Variants in FRMPD2 observed in about 807,000 individuals in gnomAD.
The protein encoded by FRMPD2 is FERM and PDZ domain-containing protein 2.
In FRMPD2, 96 loss-of-function variants were observed where a neutral mutation model predicts 140.1. The observed-to-expected ratio is 0.69, with a 90% CI of 0.58 to 0.81. FRMPD2 has a LOEUF of 0.81. Among genes scored for constraint, FRMPD2 ranks in the 40% least tolerant of loss-of-function variants. The pLI is 0.00. For synonymous variants in FRMPD2, 449 were observed against 547.6 expected (o/e 0.82, Z 2.52); for missense variants, 1,240 against 1,447.4 (o/e 0.86, Z 2.32).
chr10:48,269,022 C>A (rs1011789218), intron 1 of FRMPD2, among the ~76,000 whole-genome samples: 2 of 151,638 alleles, frequency 1.3e-5, no homozygotes, highest in African/African-American at 2.4e-5. Context: ...TATATAATGG[C>A]AAAAGGGTTA....
intron 14 of FRMPD2, among the ~76,000 whole-genome samples, chr10:48,204,258 T>A (rs1410483057): frequency 6.6e-6 from 1 of 152,228 alleles, no homozygotes; most frequent in Non-Finnish European, 1.5e-5. Context: ...AGGGATATAC[T>A]CTATAATTGT....
intron 14 of FRMPD2, among the ~76,000 whole-genome samples, chr10:48,205,554 A>G (rs576591189): frequency 6.6e-6 from 1 of 152,392 alleles, no homozygotes; most frequent in South Asian, 2.1e-4. Context: ...TAAGTAATGT[A>G]GTAGTATTAA....
rs60658865 is a variant in FRMPD2 at position 48,212,576 on chromosome 10, G to GT, written c.1456-468dup. Among the ~76,000 whole-genome samples the GT allele has an allele frequency of 2.1e-4, 31 of 150,452 alleles. No homozygotes were observed. The Middle Eastern group carries it at 0.01, about 50-fold the overall frequency. On this transcript the variant is annotated intron_variant, in intron 12 of 28. Transcript: ENST00000374201. ...AACCCTGGCCCTAAAACTCTATGTT[G>GT]TTTTTTTTTTAATTCATTTAGCATT... is the stretch of plus-strand genomic sequence containing the variant.
Position 48,242,317 on chromosome 10 carries a change from C to G in FRMPD2, c.411G>C (p.Leu137=), listed in dbSNP as rs765243145. ...GAGGCTGGTCTTCACACATGGTCAG[C>G]AGGATGGAGTGCAGGGGCTCGCAGA... ...LQLCEPLHSI[L]LTMCEDQPHR... is the part of the protein sequence containing the mutation. The change falls in exon 5 of 29, where the codon CTG becomes CTC. Residue 137 remains leucine, a synonymous_variant. Transcript: ENST00000374201. 1.2e-6 allele frequency: 2 copies of G among 1,613,992 alleles called. No homozygotes were observed. Among genetic ancestry groups the G allele is most frequent in the Admixed American group, 3.3e-5 (2 of 60,024 alleles).
chr10:48,189,826 C>A (rs193240226), intron 16 of FRMPD2, among the ~76,000 whole-genome samples: 2 of 152,194 alleles, frequency 1.3e-5, no homozygotes, highest in Non-Finnish European at 2.9e-5. Flanking sequence ...ATTGCTGCGC[C>A]GTTCATGGAG....
At chr10:48,218,357 C>A (rs1839502014) in intron 12 of FRMPD2, among the ~76,000 whole-genome samples, 1 of 152,210 alleles carries the variant, frequency 6.6e-6, no homozygotes, top group South Asian at 2.1e-4. Flanking sequence ...GTAAACATGG[C>A]TCCTTTATTC....
chr10:48,189,443 C>T (rs1482644314), intron 16 of FRMPD2, among the ~76,000 whole-genome samples: 1 of 152,236 alleles, frequency 6.6e-6, no homozygotes, highest in Non-Finnish European at 1.5e-5. Context: ...GCTGTGTAAA[C>T]AACTGCTCAG....
chr10:48,214,949 T>C (rs1052411763), intron 12 of FRMPD2, among the ~76,000 whole-genome samples: 1 of 152,186 alleles, frequency 6.6e-6, no homozygotes, highest in Admixed American at 6.5e-5. Flanking sequence ...TGTGGTGAAG[T>C]TCACAACTGT....
At position 48,232,206 on chromosome 10, in the gene FRMPD2, A is replaced by T. The variant is rs769657305; in HGVS notation, c.1077T>A (p.Asp359Glu). ...AGACAGCTCCCACTGTTGATTCAAC[A>T]TCACATTTTACCTCCAGGTGCTGCC... ...LNGQHLEVKC[D>E]VESTVGAVFN... Residue 359 changes from aspartate to glutamate, a missense_variant, in exon 10 of 29, where the codon GAT becomes GAA. Around this residue, in one of 6 missense-constraint regions of FRMPD2, gnomAD observed 1,161 missense variants for 1,055.9 expected, o/e 1.10. Coordinates refer to ENST00000374201, the MANE Select transcript of FRMPD2 (RefSeq NM_001018071.4). The T allele has an allele frequency of 6.2e-7, 1 of 1,614,020 alleles. No homozygotes were observed. The highest frequency in any genetic ancestry group is 1.1e-5 in the South Asian group (1 of 91,086).
At chr10:48,192,441 G>A (rs185957235) in intron 16 of FRMPD2, among the ~76,000 whole-genome samples, 1 of 152,142 alleles carries the variant, frequency 6.6e-6, no homozygotes, top group African/African-American at 2.4e-5. Flanking sequence ...ATAAAAATTA[G>A]CAGGGTGTGG....
rs2132411759 is a variant in FRMPD2, at chr10:48,174,907, T to C, written c.3038A>G (p.His1013Arg). Reference sequence around the variant, plus strand: ...CGTCAGGCACTGCACAGCCTGCTTGTGGGTGAGGCCGCACAGAATCACTCC... The same window carrying C: ...CGTCAGGCACTGCACAGCCTGCTTGCGGGTGAGGCCGCACAGAATCACTCC... ...VDGVILCGLT[H>R]KQAVQCLTGP... The change falls in exon 24 of 29, where the codon CAC (histidine) becomes CGC (arginine). Residue 1013 changes from histidine to arginine, a missense_variant. Around this residue, in one of 6 missense-constraint regions of FRMPD2, gnomAD observed 22 missense variants for 35.3 expected, o/e 0.62. Transcript: ENST00000374201. 9 of 648,162 alleles carry C rather than the reference T, an allele frequency of 1.4e-5. No individual in the cohort carries two copies. The South Asian group carries it at 1.5e-4, about 11-fold the overall frequency. The allele number at this position is 648,162 out of a possible 1,614,324, so 40.2% of individuals were successfully genotyped here.
chr10:48,259,688 A>G (rs899794322), intron 1 of FRMPD2, among the ~76,000 whole-genome samples: 1 of 150,722 alleles, frequency 6.6e-6, no homozygotes, highest in African/African-American at 2.4e-5. Flanking sequence ...TTTTTTTTTA[A>G]TCTTAAGAAG....
Position 48,221,371 on chromosome 10 carries a change from G to A in FRMPD2, c.1455+942C>T, listed in dbSNP as rs550708159. Among the ~76,000 whole-genome samples the A allele has an allele frequency of 4.2e-4, 64 of 152,276 alleles. 1 individual carries two copies. Among genetic ancestry groups the A allele is most frequent in the African/African-American group, 1.5e-3 (62 of 41,556 alleles). ...AAACATCATATGTTCTCACTCATAA[G>A]TGCGAGCTAAGCTATGAGAATGCGA... On this transcript the variant is annotated intron_variant, in intron 12 of 28. Transcript: ENST00000374201.
At chr10:48,193,212 C>A (rs757030845) in intron 15 of FRMPD2, among the ~76,000 whole-genome samples, 1 of 152,168 alleles carries the variant, frequency 6.6e-6, no homozygotes, top group African/African-American at 2.4e-5. Context: ...GGGCTCCGGC[C>A]GAGCCTCCTG....
Position 48,263,495 on chromosome 10 carries a change from T to C in FRMPD2, c.25+11048A>G, listed in dbSNP as rs751886157. Among the ~76,000 whole-genome samples the C allele has an allele frequency of 4.6e-4, 70 of 152,140 alleles. 1 individual carries two copies. The highest frequency in any genetic ancestry group is 4.1e-4 in the South Asian group (2 of 4,828). ...CAAATGAAATAAGGGCCATCACTACTGATCCCATGGATATTAAAAAGGATA... is the reference window on the plus strand; with the variant it reads ...CAAATGAAATAAGGGCCATCACTACCGATCCCATGGATATTAAAAAGGATA... On this transcript the variant is annotated intron_variant, in intron 1 of 28. Transcript: ENST00000374201.
At chr10:48,252,485 G>GT (rs1401505507) in intron 1 of FRMPD2, among the ~76,000 whole-genome samples, 19 of 152,232 alleles carry the variant, frequency 1.2e-4, no homozygotes, top group African/African-American at 4.6e-4. Flanking sequence ...AGCTCAAGCA[G>GT]GGCGGGTGTG....
At chr10:48,233,670 G>A (rs1839904146) in intron 9 of FRMPD2, among the ~76,000 whole-genome samples, 1 of 152,102 alleles carries the variant, frequency 6.6e-6, no homozygotes, top group Non-Finnish European at 1.5e-5. Flanking sequence ...GACAATGAGC[G>A]AGTATACAAA....
At chr10:48,166,475 G>A (rs1367019) in intron 27 of FRMPD2, among the ~76,000 whole-genome samples, 11,100 of 59,132 alleles carry the variant, frequency 0.19, 766 homozygotes, top group Middle Eastern at 0.22. Flanking sequence ...TTAACCCTCC[G>A]TGCCAGCCCA....
At chr10:48,226,146 G>C (rs564905729) in intron 10 of FRMPD2, among the ~76,000 whole-genome samples, 2 of 152,192 alleles carry the variant, frequency 1.3e-5, no homozygotes. Flanking sequence ...GCCCAAGCTT[G>C]TTTTTTCCTT....
Sources: gnomAD v4.1 joint callset for allele counts (sites outside exome capture counted in the v4.1 genomes callset) on GRCh38, gnomAD v4.1.1 for gene constraint, gnomAD v4.1.1 regional missense constraint, MANE v1.5 for transcripts, NCBI Gene and HGNC (gene_info 2026-07-23, HGNC 2026-07-21) for gene names.